The following OPCML variants were observed in gnomAD, a reference collection of about 807,000 sequenced individuals.
OPCML encodes opioid binding protein/cell adhesion molecule like, also known as opioid-binding protein/cell adhesion molecule.
OPCML carries 13 observed loss-of-function variants against 37.8 expected under a neutral mutation model. The ratio of observed to expected loss-of-function variants is 0.34; its 90% CI spans 0.22 to 0.55. The LOEUF (loss-of-function observed/expected upper bound fraction) is 0.55. OPCML is among the 20% of genes least tolerant of loss of function. The pLI, the probability that OPCML is intolerant of heterozygous loss-of-function variation, is 0.91. For missense variants in OPCML, 341 were observed against 435.6 expected, an observed-to-expected ratio of 0.78 and a Z score of 1.93; for synonymous variants, 176 against 168.8, an observed-to-expected ratio of 1.04 and a Z score of -0.33.
At chr11:132,593,025 T>A (rs1206661383) in intron 3 of OPCML, among the ~76,000 whole-genome samples, 3 of 152,146 alleles carry the variant, frequency 2.0e-5, no homozygotes, top group Non-Finnish European at 4.4e-5. Flanking sequence ...AAGACATAAA[T>A]AGAAATGACA....
At chr11:133,394,721 T>C (rs1319139105) in intron 1 of OPCML, among the ~76,000 whole-genome samples, 1 of 152,226 alleles carries the variant, frequency 6.6e-6, no homozygotes, top group Non-Finnish European at 1.5e-5. Flanking sequence ...ATCCATGCTA[T>C]TGCAAATGAC....
Position 133,173,638 on chromosome 11 carries a change from C to T in OPCML, c.62-230628G>A, listed in dbSNP as rs140548616. 8.5e-5 allele frequency among the ~76,000 whole-genome samples: 13 copies of T among 152,212 alleles called. No homozygotes were observed. The highest frequency in any genetic ancestry group is 1.6e-4 in the Non-Finnish European group (11 of 68,020). On this transcript the variant is annotated intron_variant, in intron 1 of 7. Coordinates refer to ENST00000524381, the MANE Select transcript of OPCML (RefSeq NM_001012393.5). This position sits in a 1 kb window ranked among gnomAD's most constrained non-coding sequence, Gnocchi z 7.8. ...CTCTCATTGCAAAAATTAGCAGTAA[C>T]GCGATGAGGCTAACGTAAGGGTAGA...
intron 1 of OPCML, among the ~76,000 whole-genome samples, chr11:133,061,106 T>C (rs1250944867): frequency 6.6e-6 from 1 of 152,228 alleles, no homozygotes; most frequent in Non-Finnish European, 1.5e-5. Flanking sequence ...GTTTAAGCAG[T>C]CCTCCTGCCT....
At chr11:132,968,227 T>A (rs1946257163) in intron 1 of OPCML, among the ~76,000 whole-genome samples, 1 of 152,224 alleles carries the variant, frequency 6.6e-6, no homozygotes, top group Non-Finnish European at 1.5e-5. Context: ...ATTTAGCATG[T>A]TTACTCTCTT....
chr11:132,523,008 C>A (rs1252708241), intron 4 of OPCML, among the ~76,000 whole-genome samples: 1 of 152,214 alleles, frequency 6.6e-6, no homozygotes, highest in Non-Finnish European at 1.5e-5. Flanking sequence ...CTGATCTCGG[C>A]TCACTGCAAC....
intron 1 of OPCML, among the ~76,000 whole-genome samples, chr11:133,340,625 T>C (rs909468377): frequency 6.6e-6 from 1 of 151,356 alleles, no homozygotes; most frequent in African/African-American, 2.4e-5. Flanking sequence ...TGTGTGTGTG[T>C]GTGTGTGTGT....
chr11:132,587,186 C>T (rs1320366721), intron 3 of OPCML, among the ~76,000 whole-genome samples: 1 of 152,140 alleles, frequency 6.6e-6, no homozygotes, highest in Non-Finnish European at 1.5e-5. Context: ...ATAGCAAGCA[C>T]TAATAGAGGA....
chr11:132,606,737 C>T (rs995107545), intron 3 of OPCML, among the ~76,000 whole-genome samples: 8 of 151,804 alleles, frequency 5.3e-5, no homozygotes, highest in South Asian at 2.1e-4. Flanking sequence ...TAGGAGATGG[C>T]GAAAAAGAAG....
chr11:133,465,907 A>T (rs1946967602), intron 1 of OPCML, among the ~76,000 whole-genome samples: 1 of 152,214 alleles, frequency 6.6e-6, no homozygotes, highest in Non-Finnish European at 1.5e-5. Flanking sequence ...ATACATCTAT[A>T]TCCTGAGTTC....
intron 1 of OPCML, among the ~76,000 whole-genome samples, chr11:132,996,722 T>C (rs998386746): frequency 6.6e-6 from 1 of 151,692 alleles, no homozygotes; most frequent in African/African-American, 2.4e-5. Context: ...ATCTCAGTAA[T>C]AATTTTAGTG....
chr11:132,460,247 A>T, intron 4 of OPCML, among the ~76,000 whole-genome samples: 1 of 151,816 alleles, frequency 6.6e-6, no homozygotes. Context: ...AGTTTGTGGC[A>T]GTGAGGAATG....
At chr11:133,407,591 A>C (rs978737982) in intron 1 of OPCML, among the ~76,000 whole-genome samples, 17 of 152,206 alleles carry the variant, frequency 1.1e-4, no homozygotes, top group African/African-American at 4.1e-4. Flanking sequence ...CTGCTGCAAA[A>C]GATGGGTTGC....
chr11:133,350,338 G>T (rs1944106282), intron 1 of OPCML, among the ~76,000 whole-genome samples: 1 of 152,128 alleles, frequency 6.6e-6, no homozygotes. Context: ...AAAAATGATG[G>T]TTTTTCAACC....
intron 3 of OPCML, among the ~76,000 whole-genome samples, chr11:132,620,652 T>A (rs1274354736): frequency 6.6e-6 from 1 of 152,218 alleles, no homozygotes; most frequent in African/African-American, 2.4e-5. Flanking sequence ...ATGCAGGATG[T>A]CTACAAAGGG....
chr11:132,732,138 T>C (rs1411947827), intron 2 of OPCML, among the ~76,000 whole-genome samples: 1 of 152,202 alleles, frequency 6.6e-6, no homozygotes, highest in Non-Finnish European at 1.5e-5. Context: ...AGAATGTTTA[T>C]AGGCAGACAT....
chr11:132,914,409 C>T (rs1944538914), intron 2 of OPCML, among the ~76,000 whole-genome samples: 2 of 152,194 alleles, frequency 1.3e-5, no homozygotes, highest in African/African-American at 4.8e-5. Context: ...ATTTTCTGTT[C>T]CAATATAATA....
intron 2 of OPCML, among the ~76,000 whole-genome samples, chr11:132,725,337 C>T (rs1944838193): frequency 6.6e-6 from 1 of 152,196 alleles, no homozygotes; most frequent in Non-Finnish European, 1.5e-5. Context: ...CCCTTTTAGC[C>T]ATGGCTAGAG....
At chr11:132,632,818 T>G (rs1457291488) in intron 3 of OPCML, among the ~76,000 whole-genome samples, 1 of 152,058 alleles carries the variant, frequency 6.6e-6, no homozygotes, top group East Asian at 1.9e-4. Flanking sequence ...GCTGCTCCAC[T>G]CTGGACTCCT....
chr11:133,500,384 G>A (rs1947885326), intron 1 of OPCML, among the ~76,000 whole-genome samples: 1 of 152,158 alleles, frequency 6.6e-6, no homozygotes, highest in South Asian at 2.1e-4. Context: ...GAGAATCCTG[G>A]CTTCTGTCAG....
Sources: gnomAD v4.1 joint callset for allele counts (sites outside exome capture counted in the v4.1 genomes callset) on GRCh38, gnomAD v4.1.1 for gene constraint, Gnocchi (gnomAD v3.1) non-coding constraint, MANE v1.5 for transcripts, NCBI Gene and HGNC (gene_info 2026-07-23, HGNC 2026-07-21) for gene names.